PACRG: variants seen among roughly 807,000 people sequenced by gnomAD.
PACRG encodes parkin coregulated.
A neutral mutation model predicts 29.7 loss-of-function variants in PACRG; 29 were observed. The observed-to-expected ratio is 0.98, with a 90% CI of 0.73 to 1.33. The LOEUF (loss-of-function observed/expected upper bound fraction) is 1.33. PACRG is among the 40% of genes most tolerant of loss of function. The pLI is 0.00. For missense variants in PACRG, 279 were observed against 316.2 expected, an observed-to-expected ratio of 0.88 and a Z score of 0.89; for synonymous variants, 116 against 118.7, an observed-to-expected ratio of 0.98 and a Z score of 0.15.
intron 4 of PACRG, among the ~76,000 whole-genome samples, chr6:163,236,973 C>T (rs6455881): frequency 0.43 from 65,276 of 151,788 alleles, 15,732 homozygotes; most frequent in African/African-American, 0.66. Context: ...CATGAGAACT[C>T]ACTATCATGA....
At chr6:162,992,867 T>C (rs551329593) in intron 2 of PACRG, among the ~76,000 whole-genome samples, 1 of 151,252 alleles carries the variant, frequency 6.6e-6, no homozygotes, top group Non-Finnish European at 1.5e-5. Flanking sequence ...TGCTTTCTCT[T>C]GTGGGCATTC....
intron 2 of PACRG, among the ~76,000 whole-genome samples, chr6:162,874,632 G>A (rs1793136774): frequency 6.6e-6 from 1 of 152,260 alleles, no homozygotes. Context: ...CCAATGTGGC[G>A]ATTAGATTTT....
Position 163,214,560 on chromosome 6 carries a change from A to AG in PACRG, c.614-100267_614-100266insG, listed in dbSNP as rs1562320295. On this transcript the variant is annotated intron_variant, in intron 4 of 4. Transcript: ENST00000366888. Reference sequence around the variant, plus strand: ...CATCATCTTTTAAATCCATTCATATATATTTAATCTTTTTTTAATTTTTAT... The same window carrying AG: ...CATCATCTTTTAAATCCATTCATATAGTATTTAATCTTTTTTTAATTTTTAT... Among the ~76,000 whole-genome samples, 53 of 152,040 alleles carry AG rather than the reference A, an allele frequency of 3.5e-4. No homozygotes were observed. In the Middle Eastern group the frequency reaches 0.017, roughly 49 times the overall value.
chr6:162,896,998 A>G (rs983751072), intron 2 of PACRG, among the ~76,000 whole-genome samples: 1 of 152,206 alleles, frequency 6.6e-6, no homozygotes, highest in South Asian at 2.1e-4. Context: ...TTCCTTGACA[A>G]AAGTTCTGAC....
At chr6:163,269,342 C>T (rs1272080722) in intron 4 of PACRG, among the ~76,000 whole-genome samples, 2 of 152,196 alleles carry the variant, frequency 1.3e-5, no homozygotes, top group African/African-American at 4.8e-5. Context: ...CAGCTGGGCT[C>T]TGCCTGGGGA....
intron 4 of PACRG, among the ~76,000 whole-genome samples, chr6:163,146,918 T>G (rs1777826584): frequency 6.6e-6 from 1 of 152,232 alleles, no homozygotes; most frequent in Non-Finnish European, 1.5e-5. Flanking sequence ...ACCTTGCGCA[T>G]GGTCAGACCA....
intron 4 of PACRG, among the ~76,000 whole-genome samples, chr6:163,121,875 G>T (rs896650594): frequency 6.6e-6 from 1 of 151,602 alleles, no homozygotes; most frequent in African/African-American, 2.4e-5. Flanking sequence ...TGTTAGCCAG[G>T]ATGGTCTCAA....
At chr6:163,145,251 A>G (rs767204622) in intron 4 of PACRG, among the ~76,000 whole-genome samples, 7 of 152,208 alleles carry the variant, frequency 4.6e-5, no homozygotes, top group Non-Finnish European at 8.8e-5. Context: ...TGGAGGTTGT[A>G]TATTTCTTTT....
At chr6:162,801,359 T>A (rs1260935147) in intron 1 of PACRG, among the ~76,000 whole-genome samples, 3 of 151,946 alleles carry the variant, frequency 2.0e-5, no homozygotes, top group African/African-American at 2.4e-5. Context: ...TCCGCCCCCC[T>A]TGGCCTCCCA....
Position 163,214,661 on chromosome 6 carries a change from A to T in PACRG, c.614-100166A>T, listed in dbSNP as rs1781292214. The stretch of plus-strand genomic sequence containing the variant: ...TTACTATATTTTCTCACTGATAATT[A>T]TTTATATATAGTGCAGCTATGTAGG... On this transcript the variant is annotated intron_variant, in intron 4 of 4. Transcript: ENST00000366888. 2.0e-5 allele frequency among the ~76,000 whole-genome samples: 3 copies of T among 151,968 alleles called. No individual in the cohort carries two copies. In the South Asian group the frequency reaches 6.2e-4, roughly 31 times the overall value.
At chr6:163,062,388 A>T in intron 3 of PACRG, 67 bp downstream of exon 3, 1 of 1,486,808 alleles carries the variant, frequency 6.7e-7, no homozygotes, top group Non-Finnish European at 9.0e-7. Context: ...CTTGCTAATT[A>T]AGCAATAAAC....
intron 2 of PACRG, among the ~76,000 whole-genome samples, chr6:162,873,053 G>A (rs906481577): frequency 1.1e-4 from 17 of 152,324 alleles, no homozygotes; most frequent in Middle Eastern, 3.4e-3. Flanking sequence ...GCACATGTAA[G>A]CCTAACCCAG....
chr6:163,314,250 G>A (rs1031660633), intron 4 of PACRG, among the ~76,000 whole-genome samples: 4 of 152,132 alleles, frequency 2.6e-5, no homozygotes, highest in African/African-American at 4.8e-5. Context: ...GTGATAGTTC[G>A]GGAGCAGCCA....
chr6:163,079,887 A>ATTTT (rs1585165556), intron 3 of PACRG, among the ~76,000 whole-genome samples: 3 of 115,198 alleles, frequency 2.6e-5, no homozygotes, highest in South Asian at 3.0e-4. Flanking sequence ...TGTAGCAGTC[A>ATTTT]TTCTTTTTTT....
chr6:162,939,478 G>A (rs896709702), intron 2 of PACRG, among the ~76,000 whole-genome samples: 4 of 152,102 alleles, frequency 2.6e-5, no homozygotes, highest in Non-Finnish European at 5.9e-5. Context: ...CCAACCTGAT[G>A]AGGACTCAAA....
intron 4 of PACRG, among the ~76,000 whole-genome samples, chr6:163,116,986 G>A (rs970886093): frequency 2.0e-5 from 3 of 152,170 alleles, no homozygotes; most frequent in African/African-American, 7.2e-5. Flanking sequence ...TGCCTGTCCC[G>A]TGGCCAGCAT....
At chr6:163,188,816 G>A in intron 4 of PACRG, among the ~76,000 whole-genome samples, 1 of 152,196 alleles carries the variant, frequency 6.6e-6, no homozygotes, top group Admixed American at 6.5e-5. Flanking sequence ...CATCCAGATA[G>A]CATTCAGTAG....
chr6:163,070,852 TG>T (rs1811977078), intron 3 of PACRG, among the ~76,000 whole-genome samples: 1 of 149,500 alleles, frequency 6.7e-6, no homozygotes, highest in Non-Finnish European at 1.5e-5. Flanking sequence ...AATAAAGAGA[TG>T]GAAAAAGATA....
intron 2 of PACRG, among the ~76,000 whole-genome samples, chr6:162,843,244 G>A (rs1348949915): frequency 5.0e-5 from 5 of 99,054 alleles, no homozygotes; most frequent in Admixed American, 1.2e-4. Flanking sequence ...CCAATCAGAC[G>A]TAGATTTGGT....
Sources: gnomAD v4.1 joint callset for allele counts (sites outside exome capture counted in the v4.1 genomes callset) on GRCh38, gnomAD v4.1.1 for gene constraint, MANE v1.5 for transcripts, NCBI Gene and HGNC (gene_info 2026-07-23, HGNC 2026-07-21) for gene names.